Variants in MORC1 observed in about 807,000 individuals in gnomAD.
The protein encoded by MORC1 is MORC family CW-type zinc finger 1.
MORC1 carries 59 observed loss-of-function variants against 134.9 expected under a neutral mutation model. The observed-to-expected ratio is 0.44, with a 90% CI of 0.35 to 0.54. MORC1 has a LOEUF of 0.54. Ranked by LOEUF, MORC1 falls within the 20% of genes least tolerant of loss-of-function variation. MORC1 has a pLI of 0.00. For missense variants in MORC1, 947 were observed against 1,134.5 expected, an observed-to-expected ratio of 0.83 and a Z score of 2.37; for synonymous variants, 395 against 391.7, an observed-to-expected ratio of 1.01 and a Z score of -0.10.
chr3:109,090,989 C>T (rs1437643899), intron 8 of MORC1, among the ~76,000 whole-genome samples: 2 of 151,970 alleles, frequency 1.3e-5, no homozygotes, highest in Non-Finnish European at 2.9e-5. Context: ...AGAAAAAAGA[C>T]CCACCTTGGA....
At chr3:108,978,330 G>C (rs1221497397) in intron 24 of MORC1, among the ~76,000 whole-genome samples, 1 of 152,158 alleles carries the variant, frequency 6.6e-6, no homozygotes, top group Non-Finnish European at 1.5e-5. Context: ...TGTATTCATT[G>C]CTCCATCAAC....
At chr3:108,987,101 G>A in intron 21 of MORC1, 152 bp from the exon 22 acceptor site, 1 of 485,616 alleles carries the variant, frequency 2.1e-6, no homozygotes, top group East Asian at 3.2e-5. Context: ...GGGAACAAAT[G>A]GTACATGTAC....
chr3:109,057,532 C>A, intron 12 of MORC1, 46 bp from the exon 13 acceptor site: 1 of 1,495,568 alleles, frequency 6.7e-7, no homozygotes, highest in Non-Finnish European at 9.0e-7. Flanking sequence ...ATTAAATAAA[C>A]ATACACAGTT....
At chr3:109,075,495 CCA>C (rs1287479353) in intron 8 of MORC1, among the ~76,000 whole-genome samples, 1 of 152,078 alleles carries the variant, frequency 6.6e-6, no homozygotes, top group Non-Finnish European at 1.5e-5. Flanking sequence ...AGAAAGGGGT[CCA>C]GTTTCAGTTT....
chr3:108,959,081 A>G lies in MORC1; in HGVS notation c.2839T>C (p.Leu947=). ...TTATCTTCTTTAAGCAAAGCTTCTA[A>G]ATAAGTGTCAGTCTGCTCCAGGTCA... is the stretch of plus-strand genomic sequence containing the variant. ...EGDLEQTDTY[L]EALLKEDNLL... is the part of the protein sequence containing the mutation. Residue 947 remains leucine, a synonymous_variant, in exon 28 of 28, where the codon TTA becomes CTA. Transcript: ENST00000232603. The G allele has an allele frequency of 6.3e-7, 1 of 1,586,068 alleles. No individual in the cohort carries two copies.
intron 8 of MORC1, among the ~76,000 whole-genome samples, chr3:109,088,715 A>G (rs1011308753): frequency 1.3e-5 from 2 of 152,182 alleles, no homozygotes; most frequent in Non-Finnish European, 2.9e-5. Flanking sequence ...TACTGGGTAT[A>G]TACCCAGAAT....
chr3:109,024,599 G>A (rs3804691), intron 17 of MORC1, among the ~76,000 whole-genome samples: 18,092 of 152,166 alleles, frequency 0.12, 1,156 homozygotes, highest in Non-Finnish European at 0.14. Context: ...TAAGAGATAG[G>A]GTGTGCAGGT....
chr3:109,017,572 T>G (rs541463331), intron 17 of MORC1, among the ~76,000 whole-genome samples: 2 of 152,324 alleles, frequency 1.3e-5, no homozygotes, highest in South Asian at 4.1e-4. Context: ...CAGCATCAGT[T>G]TTGGGGCTGG....
At chr3:108,984,998 T>C (rs1230810995) in intron 22 of MORC1, among the ~76,000 whole-genome samples, 1 of 152,240 alleles carries the variant, frequency 6.6e-6, no homozygotes, top group Non-Finnish European at 1.5e-5. Flanking sequence ...TATATAGTTA[T>C]CCAAGAGAGT....
chr3:109,086,253 C>T (rs1053690061), intron 8 of MORC1, among the ~76,000 whole-genome samples: 3 of 152,072 alleles, frequency 2.0e-5, no homozygotes, highest in South Asian at 2.1e-4. Context: ...ATGTTTGTAG[C>T]ATAAAGAAAA....
chr3:108,964,390 A>T (rs546144812), intron 26 of MORC1, among the ~76,000 whole-genome samples: 1 of 152,318 alleles, frequency 6.6e-6, no homozygotes, highest in South Asian at 2.1e-4. Context: ...TTATGTAATA[A>T]GGAGATTTCT....
intron 8 of MORC1, among the ~76,000 whole-genome samples, chr3:109,084,932 T>C (rs1189894752): frequency 6.6e-6 from 1 of 151,900 alleles, no homozygotes; most frequent in African/African-American, 2.4e-5. Flanking sequence ...GCGGGGAAAA[T>C]TGAATATACA....
intron 14 of MORC1, among the ~76,000 whole-genome samples, chr3:109,039,161 C>G (rs1949452355): frequency 6.6e-6 from 1 of 152,156 alleles, no homozygotes; most frequent in Non-Finnish European, 1.5e-5. Context: ...AGTGATCCAC[C>G]CGCCTCAGCC....
chr3:108,970,682 C>T (rs1947352988), intron 25 of MORC1, among the ~76,000 whole-genome samples: 1 of 152,168 alleles, frequency 6.6e-6, no homozygotes, highest in Admixed American at 6.5e-5. Flanking sequence ...GGCCTCCCAC[C>T]CTCCTGCACT....
At chr3:109,089,489 A>G (rs1476675327) in intron 8 of MORC1, among the ~76,000 whole-genome samples, 2 of 152,104 alleles carry the variant, frequency 1.3e-5, no homozygotes, top group African/African-American at 2.4e-5. Flanking sequence ...CCCACTCAAT[A>G]AAGGACTTCT....
chr3:108,966,754 G>GAGTCTTCACATAAAACATAA (rs1947230153), intron 26 of MORC1, among the ~76,000 whole-genome samples: 1 of 152,150 alleles, frequency 6.6e-6, no homozygotes, highest in Non-Finnish European at 1.5e-5. Context: ...GGCCCACTGT[G>GAGTCTTCACATAAAACATAA]TATTGGGAGA....
chr3:109,055,227 T>C (rs145777670), intron 13 of MORC1, among the ~76,000 whole-genome samples: 1 of 152,206 alleles, frequency 6.6e-6, no homozygotes, highest in South Asian at 2.1e-4. Flanking sequence ...GGCATGATCT[T>C]CTAAATGACA....
rs61166959 is a variant in MORC1 at position 108,996,593 on chromosome 3, C to A, written c.2187+3964G>T. On this transcript the variant is annotated intron_variant, in intron 21 of 27. Transcript: ENST00000232603. ...AAATGCCTGGAGCTTTAACCAAATC[C>A]CAGTTGGAAACTTCTACAGCTCCAA... 2.3e-3 allele frequency among the ~76,000 whole-genome samples: 355 copies of A among 152,246 alleles called. 2 individuals carry two copies. The highest frequency in any genetic ancestry group is 8.4e-3 in the African/African-American group (347 of 41,540).
At chr3:108,986,840 T>C (rs1324143377) in intron 22 of MORC1, 40 bp downstream of exon 22, 1 of 1,328,590 alleles carries the variant, frequency 7.5e-7, no homozygotes, top group Non-Finnish European at 1.0e-6. Flanking sequence ...TCAAACATTA[T>C]AGCTAATATA....
Sources: allele counts gnomAD v4.1 joint callset (sites outside exome capture counted in the v4.1 genomes callset), GRCh38; gene constraint gnomAD v4.1.1; transcripts MANE v1.5; gene names NCBI Gene and HGNC (gene_info 2026-07-23, HGNC 2026-07-21).